Variants in FNIP2 observed in about 807,000 individuals in gnomAD.
FNIP2 encodes the protein folliculin interacting protein 2.
In FNIP2, 32 loss-of-function variants were observed where a neutral mutation model predicts 108.7. The ratio of observed to expected loss-of-function variants is 0.29; its 90% CI spans 0.22 to 0.40. The LOEUF (loss-of-function observed/expected upper bound fraction) is 0.40, where lower values mean the gene tolerates loss of function less well. Ranked by LOEUF, FNIP2 falls within the 10% of genes least tolerant of loss-of-function variation. The pLI is 1.00. For missense variants in FNIP2, 1,202 were observed against 1,381.6 expected (o/e 0.87, Z 2.06); for synonymous variants, 480 against 496.7 (o/e 0.97, Z 0.45).
Position 158,769,312 on chromosome 4 carries a change from G to A in FNIP2, c.100G>A (p.Ala34Thr), listed in dbSNP as rs891526892. 4.7e-6 allele frequency: 7 copies of A among 1,503,008 alleles called. No homozygotes were observed. Among genetic ancestry groups the A allele is most frequent in the Non-Finnish European group, 6.2e-6 (7 of 1,126,468 alleles). 93.1% of individuals were successfully genotyped at this position (1,503,008 alleles called of 1,614,324 possible). A position where few individuals can be genotyped will look rare whatever the true frequency, so the allele number is the denominator to read the frequency against. Residue 34 changes from alanine to threonine, a missense_variant, in exon 1 of 17, where the codon GCC becomes ACC. Physicochemically the swap from Ala to Thr is moderately conservative, Grantham distance 58. Transcript: ENST00000264433. ...GGGCAGGGCTCCTAAGGAAGGACCC[G>A]CCTTTAGGTGAGGGGGCGCCGGGGG... The part of the protein sequence containing the change: ...AQGRAPKEGP[A>T]FSWSCSEFDL...
intron 12 of FNIP2, among the ~76,000 whole-genome samples, chr4:158,864,399 T>C (rs1374531314): frequency 2.0e-5 from 3 of 152,076 alleles, no homozygotes; most frequent in Non-Finnish European, 4.4e-5. Flanking sequence ...TTTGAAATAA[T>C]GATAATAAAG....
intron 9 of FNIP2, 45 bp from the exon 10 acceptor site, chr4:158,859,533 T>C: frequency 2.0e-6 from 3 of 1,504,882 alleles, no homozygotes; most frequent in Non-Finnish European, 2.7e-6. Flanking sequence ...AGATAAGTTA[T>C]AAAATTTCTT....
intron 16 of FNIP2, among the ~76,000 whole-genome samples, chr4:158,896,777 G>GTT (rs578209692): frequency 1.8e-4 from 24 of 132,176 alleles, no homozygotes; most frequent in South Asian, 9.5e-4. Flanking sequence ...TCTCTTTGTC[G>GTT]TTTTTTTTTT....
chr4:158,866,103 T>A (rs1312082141), intron 12 of FNIP2, among the ~76,000 whole-genome samples: 1 of 150,522 alleles, frequency 6.6e-6, no homozygotes, highest in Non-Finnish European at 1.5e-5. Context: ...CCTCTCTAGA[T>A]GCATTCCTCA....
chr4:158,861,527 A>G, intron 11 of FNIP2, 39 bp downstream of exon 11: 1 of 1,613,552 alleles, frequency 6.2e-7, no homozygotes, highest in South Asian at 1.1e-5. Flanking sequence ...TGCAAATCTC[A>G]TGGCCAATGT....
At chr4:158,852,951 T>C (rs1779781565) in intron 8 of FNIP2, among the ~76,000 whole-genome samples, 1 of 152,096 alleles carries the variant, frequency 6.6e-6, no homozygotes, top group Non-Finnish European at 1.5e-5. Flanking sequence ...TATGGGCCAG[T>C]GCAAAATAAA....
chr4:158,800,029 C>A (rs1776709907), intron 1 of FNIP2, among the ~76,000 whole-genome samples: 1 of 152,060 alleles, frequency 6.6e-6, no homozygotes, highest in Non-Finnish European at 1.5e-5. Context: ...GACCTGGCCA[C>A]CTCTTTTTGG....
intron 14 of FNIP2, chr4:158,871,401 C>A (rs1392257677): frequency 1.0e-6 from 1 of 985,298 alleles, no homozygotes; most frequent in Non-Finnish European, 1.2e-6. Flanking sequence ...CCTTGGCCAA[C>A]AAGTATTTTT....
At chr4:158,836,811 C>CAAAAAAAAAAAAAAAAAAAAAAAAAAAA (rs34469888) in intron 7 of FNIP2, among the ~76,000 whole-genome samples, 1 of 39,564 alleles carries the variant, frequency 2.5e-5, no homozygotes, top group African/African-American at 8.3e-5. Context: ...GACTCCGTCT[C>CAAAAAAAAAAAAAAAAAAAAAAAAAAAA]AAAAAAAAAA....
intron 8 of FNIP2, among the ~76,000 whole-genome samples, chr4:158,854,015 GA>G (rs1162765123): frequency 6.6e-6 from 1 of 152,162 alleles, no homozygotes; most frequent in Non-Finnish European, 1.5e-5. Context: ...AGCTTCATAT[GA>G]AAACAGTGTA....
chr4:158,883,802 A>G (rs553475633), intron 14 of FNIP2, among the ~76,000 whole-genome samples: 27 of 152,314 alleles, frequency 1.8e-4, no homozygotes, highest in Admixed American at 1.2e-3. Flanking sequence ...AATTCAGACC[A>G]TCATTCACAC....
intron 12 of FNIP2, among the ~76,000 whole-genome samples, chr4:158,867,848 A>G (rs11726096): frequency 1.3e-5 from 2 of 151,978 alleles, no homozygotes; most frequent in South Asian, 2.1e-4. Context: ...CCAGCAGGCA[A>G]TGGGAGGGGC....
rs892985250 is a variant in FNIP2 at position 158,907,395 on chromosome 4, T to G, written c.*2851T>G. The G allele has an allele frequency of 1.3e-5, 2 of 152,212 alleles. No individual in the cohort carries two copies. Among genetic ancestry groups the G allele is most frequent in the Non-Finnish European group, 2.9e-5 (2 of 68,040 alleles). 9.4% of individuals were successfully genotyped at this position (152,212 alleles called of 1,614,324 possible). A position where few individuals can be genotyped will look rare whatever the true frequency, so the allele number is the denominator to read the frequency against. ...ACTGCCGTTTACACATTGCAACTTT[T>G]TAAACTTAACCATATTTTTCAAAAT... On this transcript the variant is annotated 3_prime_UTR_variant, in exon 17 of 17. Coordinates refer to ENST00000264433, the MANE Select transcript of FNIP2 (RefSeq NM_020840.3).
chr4:158,774,930 G>A (rs943489729), intron 1 of FNIP2, among the ~76,000 whole-genome samples: 1 of 152,190 alleles, frequency 6.6e-6, no homozygotes, highest in Non-Finnish European at 1.5e-5. Flanking sequence ...ATTTGATTTA[G>A]TAGGTGGTAC....
rs1729853695 is a variant in FNIP2 at position 158,906,474 on chromosome 4, C to A, written c.*1930C>A. The A allele has an allele frequency of 6.6e-6, 1 of 152,040 alleles. No individual in the cohort carries two copies. The highest frequency in any genetic ancestry group is 1.5e-5 in the Non-Finnish European group (1 of 68,018). 9.4% of individuals were successfully genotyped at this position (152,040 alleles called of 1,614,324 possible). A position where few individuals can be genotyped will look rare whatever the true frequency, so the allele number is the denominator to read the frequency against. On this transcript the variant is annotated 3_prime_UTR_variant, in exon 17 of 17. Coordinates refer to ENST00000264433, the MANE Select transcript of FNIP2 (RefSeq NM_020840.3). ...CATAGTGGCATGTTCATAATTAGACCCATATAGGGGACACTGAGCTTTAAA... is the reference window on the plus strand; with the variant it reads ...CATAGTGGCATGTTCATAATTAGACACATATAGGGGACACTGAGCTTTAAA...
intron 1 of FNIP2, among the ~76,000 whole-genome samples, chr4:158,815,361 T>A (rs948163182): frequency 1.3e-5 from 2 of 151,986 alleles, no homozygotes; most frequent in Admixed American, 6.6e-5. Flanking sequence ...AGTCTTCTGC[T>A]TTCTTTTTCA....
chr4:158,846,211 C>G (rs2126637187), intron 7 of FNIP2, among the ~76,000 whole-genome samples: 1 of 152,136 alleles, frequency 6.6e-6, no homozygotes, highest in East Asian at 1.9e-4. Context: ...ATCTGCAACC[C>G]ATGCTAATGC....
chr4:158,899,288 G>C (rs1485762813), intron 16 of FNIP2, among the ~76,000 whole-genome samples: 2 of 152,188 alleles, frequency 1.3e-5, no homozygotes, highest in African/African-American at 4.8e-5. Context: ...ATGTTCATCA[G>C]GGATATTGGC....
In FNIP2 at chr4:158,868,424, A is replaced by C. The variant is rs777884970; in HGVS notation, c.1788A>C (p.Thr596=). ...TAAERHNPWP[T]GFPECPEGTD... is the part of the protein sequence containing the mutation. ...CAGAGAGACACAACCCCTGGCCGAC[A>C]GGGTTTCCTGAGTGCCCAGAGGGCA... Residue 596 remains threonine, a synonymous_variant, in exon 13 of 17, where the codon ACA becomes ACC. Transcript: ENST00000264433. The surrounding 1 kb of genome is among the most constrained non-coding windows in gnomAD (Gnocchi z 4.6). The C allele has an allele frequency of 6.2e-7, 1 of 1,614,042 alleles. No individual in the cohort carries two copies. The highest frequency in any genetic ancestry group is 8.5e-7 in the Non-Finnish European group (1 of 1,179,900).
Sources: gnomAD v4.1 joint callset for allele counts (sites outside exome capture counted in the v4.1 genomes callset) on GRCh38, gnomAD v4.1.1 for gene constraint, Gnocchi (gnomAD v3.1) non-coding constraint, MANE v1.5 for transcripts, NCBI Gene and HGNC (gene_info 2026-07-23, HGNC 2026-07-21) for gene names.